BTBD9: variants seen among roughly 807,000 people sequenced by gnomAD.
BTBD9 encodes BTB/POZ domain-containing protein 9.
BTBD9 carries 49 observed loss-of-function variants against 64.3 expected under a neutral mutation model. The observed-to-expected ratio is 0.76, with a 90% CI of 0.61 to 0.97. The LOEUF is 0.97. Among genes scored for constraint, BTBD9 ranks in the 50% least tolerant of loss-of-function variants. BTBD9 has a pLI of 0.00. For missense variants in BTBD9, 598 were observed against 762.1 expected (o/e 0.78, Z 2.53); for synonymous variants, 260 against 274.7 (o/e 0.95, Z 0.53).
At chr6:38,549,988 T>C (rs1354993918) in intron 6 of BTBD9, among the ~76,000 whole-genome samples, 3 of 152,114 alleles carry the variant, frequency 2.0e-5, no homozygotes, top group African/African-American at 7.2e-5. Context: ...AGCCACCACT[T>C]TGTCCCTGCC....
At chr6:38,214,768 G>A (rs1161397927) in intron 9 of BTBD9, among the ~76,000 whole-genome samples, 7 of 152,212 alleles carry the variant, frequency 4.6e-5, no homozygotes, top group Admixed American at 1.3e-4. Context: ...ATGCCGTCAG[G>A]GCTAAGATAT....
At chr6:38,418,615 A>T (rs1028938672) in intron 6 of BTBD9, among the ~76,000 whole-genome samples, 3 of 151,956 alleles carry the variant, frequency 2.0e-5, no homozygotes, top group Non-Finnish European at 4.4e-5. Context: ...AATTATGACC[A>T]CCCTAAGGAG....
intron 6 of BTBD9, among the ~76,000 whole-genome samples, chr6:38,414,133 T>C (rs117550024): frequency 6.6e-6 from 1 of 152,348 alleles, no homozygotes; most frequent in East Asian, 1.9e-4. Context: ...TTGTGGACTA[T>C]CACTAAAAGA....
chr6:38,325,398 CAA>C (rs1763383524), intron 7 of BTBD9, among the ~76,000 whole-genome samples: 1 of 152,084 alleles, frequency 6.6e-6, no homozygotes. Context: ...TTAAAAACAA[CAA>C]AGAGGCTGGG....
At chr6:38,381,880 A>C (rs1242802898) in intron 6 of BTBD9, among the ~76,000 whole-genome samples, 1 of 152,198 alleles carries the variant, frequency 6.6e-6, no homozygotes, top group Non-Finnish European at 1.5e-5. Context: ...AGAAAAAATA[A>C]GTAATGGAAA....
rs540007962 is a variant in BTBD9, at chr6:38,452,882, C to T, written c.1155-107789G>A. ...ATTATGCCTTTTCCTTAATGTGATA[C>T]GGAAACTGAGGAAAAGGACATCAAT... On this transcript the variant is annotated intron_variant, in intron 6 of 10. Coordinates refer to ENST00000481247, the MANE Select transcript of BTBD9 (RefSeq NM_001099272.2). 1.1e-4 allele frequency among the ~76,000 whole-genome samples: 16 copies of T among 152,120 alleles called. 1 individual carries two copies. Among genetic ancestry groups the T allele is most frequent in the Middle Eastern group, 3.4e-3 (1 of 294 alleles).
intron 9 of BTBD9, among the ~76,000 whole-genome samples, chr6:38,230,394 C>T (rs1019250468): frequency 2.8e-5 from 4 of 144,522 alleles, no homozygotes; most frequent in East Asian, 4.3e-4. Context: ...ACTCAGGATG[C>T]GGAGGCAGGA....
rs1215994379 is a variant in BTBD9, at chr6:38,545,849, CACACAT to C, written c.1154+31745_1154+31750del. Among the ~76,000 whole-genome samples, 143 of 104,376 alleles carry C rather than the reference CACACAT, an allele frequency of 1.4e-3. 1 individual carries two copies. The highest frequency in any genetic ancestry group is 8.8e-3 in the Middle Eastern group (2 of 226). The allele number at this position is 104,376 out of a possible 152,430, so 68.5% of individuals were successfully genotyped here. A position where few individuals can be genotyped will look rare whatever the true frequency, so the allele number is the denominator to read the frequency against. ...CTTTAATATTTAAAACACACACACA[CACACAT>C]ACACACACACACACACACACACACA... is the stretch of plus-strand genomic sequence containing the variant. On this transcript the variant is annotated intron_variant, in intron 6 of 10. Coordinates refer to ENST00000481247, the MANE Select transcript of BTBD9 (RefSeq NM_001099272.2).
At chr6:38,376,814 A>C (rs1279264347) in intron 6 of BTBD9, among the ~76,000 whole-genome samples, 2 of 152,120 alleles carry the variant, frequency 1.3e-5, no homozygotes, top group Admixed American at 1.3e-4. Flanking sequence ...TCCTTCTTGG[A>C]GTGGTTATAC....
intron 6 of BTBD9, among the ~76,000 whole-genome samples, chr6:38,440,565 C>A (rs181557414): frequency 1.6e-4 from 25 of 152,266 alleles, no homozygotes; most frequent in African/African-American, 5.8e-4. Flanking sequence ...GGACAACTTT[C>A]TTTTTCAAAC....
intron 7 of BTBD9, among the ~76,000 whole-genome samples, chr6:38,305,022 A>G (rs1762576594): frequency 6.6e-6 from 1 of 152,132 alleles, no homozygotes; most frequent in African/African-American, 2.4e-5. Flanking sequence ...CCAAGAAACA[A>G]TGCCTAGCAC....
In BTBD9 at chr6:38,374,296, T is replaced by TATATATATATATATATATATATATAC. The variant is rs1491482634; in HGVS notation, c.1155-29204_1155-29203insGTATATATATATATATATATATATAT. Among the ~76,000 whole-genome samples the TATATATATATATATATATATATATAC allele has an allele frequency of 5.0e-4, 35 of 70,590 alleles. 1 individual carries two copies. The highest frequency in any genetic ancestry group is 6.5e-4 in the African/African-American group (7 of 10,746). 46.3% of individuals were successfully genotyped at this position (70,590 alleles called of 152,430 possible). A position where few individuals can be genotyped will look rare whatever the true frequency, so the allele number is the denominator to read the frequency against. ...AAAAAAAAAAAAGTATATATATATA[T>TATATATATATATATATATATATATAC]GTATATATATGTATATATATATATA... On this transcript the variant is annotated intron_variant, in intron 6 of 10. Transcript: ENST00000481247.
chr6:38,294,329 A>G (rs1275279438), intron 7 of BTBD9, among the ~76,000 whole-genome samples: 1 of 152,250 alleles, frequency 6.6e-6, no homozygotes, highest in African/African-American at 2.4e-5. Context: ...TATATACCCA[A>G]AGGATTATAA....
At chr6:38,242,133 T>C (rs1764011136) in intron 9 of BTBD9, among the ~76,000 whole-genome samples, 1 of 152,172 alleles carries the variant, frequency 6.6e-6, no homozygotes. Flanking sequence ...ATCATACTTC[T>C]GGAAGGTGGA....
At position 38,584,944 on chromosome 6, in the gene BTBD9, G is replaced by T. The variant is rs148508003; in HGVS notation, c.815-4507C>A. 6.7e-3 allele frequency among the ~76,000 whole-genome samples: 1,025 copies of T among 152,206 alleles called. 2 individuals carry two copies. The highest frequency in any genetic ancestry group is 0.011 in the Non-Finnish European group (754 of 68,010). ...GAATCTATGGAAGAGTATTTGCTTGGTGAGTCAGAAGACCAGCACTTTGGT... is the reference window on the plus strand; with the variant it reads ...GAATCTATGGAAGAGTATTTGCTTGTTGAGTCAGAAGACCAGCACTTTGGT... On this transcript the variant is annotated intron_variant, in intron 4 of 10. Transcript: ENST00000481247.
chr6:38,291,120 T>C (rs1453051637), intron 7 of BTBD9, among the ~76,000 whole-genome samples: 1 of 152,244 alleles, frequency 6.6e-6, no homozygotes, highest in Non-Finnish European at 1.5e-5. Flanking sequence ...CTCATGGCTA[T>C]GAGTTAACTT....
At chr6:38,628,888 G>C (rs564708751) in intron 1 of BTBD9, among the ~76,000 whole-genome samples, 1 of 152,096 alleles carries the variant, frequency 6.6e-6, no homozygotes, top group African/African-American at 2.4e-5. Context: ...TGATTCCAGG[G>C]AAGGGGTAGG....
intron 6 of BTBD9, among the ~76,000 whole-genome samples, chr6:38,560,613 G>A (rs1775224301): frequency 6.6e-6 from 1 of 151,946 alleles, no homozygotes. Flanking sequence ...AGGGATACAT[G>A]TGCAGGTTTA....
chr6:38,179,894 G>T (rs1204364187), intron 10 of BTBD9: 1 of 447,088 alleles, frequency 2.2e-6, no homozygotes, highest in East Asian at 7.1e-5. Flanking sequence ...GCAGGGAGGG[G>T]AGCTGCTTTC....
Sources: gnomAD v4.1 joint callset for allele counts (sites outside exome capture counted in the v4.1 genomes callset) on GRCh38, gnomAD v4.1.1 for gene constraint, MANE v1.5 for transcripts, NCBI Gene and HGNC (gene_info 2026-07-23, HGNC 2026-07-21) for gene names.